Variants in WBP2NL observed in about 807,000 individuals in gnomAD.
WBP2NL encodes the protein postacrosomal sheath WW domain-binding protein.
A neutral mutation model predicts 23.3 loss-of-function variants in WBP2NL; 27 were observed. That is an observed-to-expected ratio of 1.16 (90% CI 0.85 to 1.60). The LOEUF is 1.60. Among genes scored for constraint, WBP2NL ranks in the 40% most tolerant of loss-of-function variants. WBP2NL has a pLI of 0.00. For synonymous variants in WBP2NL, 151 were observed against 145.9 expected (o/e 1.03, Z -0.25); for missense variants, 370 against 389.5 (o/e 0.95, Z 0.42).
At chr22:42,055,871 C>T (rs915760240) in intron 8 of WBP2NL, among the ~76,000 whole-genome samples, 2 of 151,722 alleles carry the variant, frequency 1.3e-5, no homozygotes, top group South Asian at 2.1e-4. Flanking sequence ...ACTTTTGCTA[C>T]CATTTGCTTG....
chr22:41,999,974 C>T (rs1293967090), intron 1 of WBP2NL, among the ~76,000 whole-genome samples: 3 of 152,172 alleles, frequency 2.0e-5, no homozygotes, highest in Non-Finnish European at 2.9e-5. Context: ...ACTGCGCTCA[C>T]CTCTTTACCC....
intron 3 of WBP2NL, 88 bp from the exon 4 acceptor site, chr22:42,019,916 A>T (rs1923723381): frequency 6.3e-7 from 1 of 1,591,820 alleles, no homozygotes; most frequent in African/African-American, 1.3e-5. Context: ...CTACTTTGTC[A>T]GGTAGTGCTT....
intron 1 of WBP2NL, chr22:42,001,794 A>G (rs1438383824): frequency 1.6e-6 from 2 of 1,219,314 alleles, no homozygotes; most frequent in East Asian, 4.7e-5. Context: ...AATACAGACC[A>G]TGCAGTCTCT....
chr22:42,041,935 A>G (rs1376425840), intron 8 of WBP2NL, among the ~76,000 whole-genome samples: 1 of 152,206 alleles, frequency 6.6e-6, no homozygotes, highest in Admixed American at 6.5e-5. Context: ...GTTTTAAAGG[A>G]TAGCTTTGCA....
chr22:42,019,966 C>T (rs1440377362), intron 3 of WBP2NL, 38 bp from the exon 4 acceptor site: 2 of 1,605,170 alleles, frequency 1.2e-6, no homozygotes, highest in Non-Finnish European at 1.7e-6. Context: ...GTCAGCTATG[C>T]CAGTTTCTTG....
chr22:42,016,318 C>G (rs1476604802), intron 1 of WBP2NL, among the ~76,000 whole-genome samples: 1 of 151,294 alleles, frequency 6.6e-6, no homozygotes, highest in Non-Finnish European at 1.5e-5. Flanking sequence ...GTAGCCTCAT[C>G]AGTCCCGGGA....
intron 1 of WBP2NL, among the ~76,000 whole-genome samples, chr22:42,004,236 C>T (rs1383462687): frequency 6.6e-6 from 1 of 152,148 alleles, no homozygotes; most frequent in Non-Finnish European, 1.5e-5. Context: ...CACGTGACTG[C>T]ACTCCAGCCT....
At chr22:42,044,206 T>C (rs1032896616) in intron 8 of WBP2NL, among the ~76,000 whole-genome samples, 2 of 152,180 alleles carry the variant, frequency 1.3e-5, no homozygotes, top group Non-Finnish European at 2.9e-5. Flanking sequence ...CCACCAGGCA[T>C]GTGCCACTAT....
Position 42,027,933 on chromosome 22 carries a change from A to T in WBP2NL, c.*752A>T, listed in dbSNP as rs1056697600. The stretch of plus-strand genomic sequence containing the variant: ...GCATGGCCAGAAAACGTTTGAAAAG[A>T]TGTTCAGCTTGACTAGTGTTAGGGA... On this transcript the variant is annotated 3_prime_UTR_variant, in exon 6 of 6. Coordinates refer to ENST00000328823, the MANE Select transcript of WBP2NL (RefSeq NM_152613.3). 2.5e-6 allele frequency: 1 copy of T among 398,492 alleles called. No homozygotes were observed. The highest frequency in any genetic ancestry group is 4.4e-6 in the Non-Finnish European group (1 of 226,004). The allele number at this position is 398,492 out of a possible 1,614,324, so 24.7% of individuals were successfully genotyped here.
chr22:42,026,746 C>T lies in WBP2NL; in HGVS notation c.515-20C>T. On this transcript the variant is annotated intron_variant, in intron 5 of 5. Coordinates refer to ENST00000328823, the MANE Select transcript of WBP2NL (RefSeq NM_152613.3). ...GACTTAAAGGTAACTGAATTTTTTT[C>T]CTTCCATTATAATTCCCAGTTATTG... 1.3e-6 allele frequency: 2 copies of T among 1,597,270 alleles called. No homozygotes were observed. The highest frequency in any genetic ancestry group is 1.1e-5 in the South Asian group (1 of 89,772).
intron 8 of WBP2NL, among the ~76,000 whole-genome samples, chr22:42,050,916 T>C (rs531532734): frequency 3.3e-5 from 5 of 152,350 alleles, no homozygotes; most frequent in African/African-American, 9.6e-5. Context: ...TGGTACACTT[T>C]AGTAAGAAAC....
chr22:42,038,439 A>G (rs893672507), intron 8 of WBP2NL, among the ~76,000 whole-genome samples: 4 of 152,070 alleles, frequency 2.6e-5, no homozygotes, highest in Non-Finnish European at 4.4e-5. Context: ...TAATTTTCTT[A>G]TGTTATCTTT....
At chr22:42,047,675 G>C (rs1413979588) in intron 8 of WBP2NL, among the ~76,000 whole-genome samples, 1 of 135,382 alleles carries the variant, frequency 7.4e-6, no homozygotes, top group African/African-American at 3.3e-5. Context: ...AGGCTGGAGT[G>C]CAGTGGCGCC....
At chr22:42,057,419 T>C (rs1926081066) in intron 8 of WBP2NL, among the ~76,000 whole-genome samples, 2 of 152,176 alleles carry the variant, frequency 1.3e-5, no homozygotes, top group Admixed American at 6.5e-5. Context: ...TGTTTGGGCA[T>C]CATTCTTATT....
intron 1 of WBP2NL, among the ~76,000 whole-genome samples, chr22:42,018,476 G>A (rs1217929190): frequency 1.3e-5 from 2 of 150,820 alleles, no homozygotes; most frequent in Non-Finnish European, 3.0e-5. Context: ...AGAGAAAGAA[G>A]AAATAAGAAA....
At chr22:42,017,381 A>T (rs903669942) in intron 1 of WBP2NL, among the ~76,000 whole-genome samples, 2 of 152,148 alleles carry the variant, frequency 1.3e-5, no homozygotes, top group Non-Finnish European at 2.9e-5. Flanking sequence ...AAGTGCTGGG[A>T]TTACAGGCGT....
chr22:42,002,456 C>T (rs1045666658), intron 1 of WBP2NL, among the ~76,000 whole-genome samples: 2 of 151,968 alleles, frequency 1.3e-5, no homozygotes, highest in African/African-American at 2.4e-5. Flanking sequence ...TGGTGGTGCA[C>T]GTCTGTAATC....
intron 1 of WBP2NL, among the ~76,000 whole-genome samples, chr22:42,004,009 C>T (rs547710780): frequency 3.0e-4 from 45 of 152,340 alleles, no homozygotes; most frequent in Admixed American, 7.8e-4. Context: ...CGATGGCTCA[C>T]GCCTGCAGTC....
intron 1 of WBP2NL, among the ~76,000 whole-genome samples, chr22:42,009,075 G>T (rs1431282541): frequency 2.0e-5 from 3 of 152,122 alleles, no homozygotes; most frequent in African/African-American, 7.2e-5. Flanking sequence ...CACTGGGCCT[G>T]GCCAATTTTT....
Sources: gnomAD v4.1 joint callset for allele counts (sites outside exome capture counted in the v4.1 genomes callset) on GRCh38, gnomAD v4.1.1 for gene constraint, MANE v1.5 for transcripts, NCBI Gene and HGNC (gene_info 2026-07-23, HGNC 2026-07-21) for gene names.